The following DMRT1 variants were observed in gnomAD, a reference collection of about 807,000 sequenced individuals.
DMRT1 encodes doublesex- and mab-3-related transcription factor 1.
In DMRT1, 7 loss-of-function variants were observed where a neutral mutation model predicts 32.3. The ratio of observed to expected loss-of-function variants is 0.22; its 90% CI spans 0.12 to 0.41. DMRT1 has a LOEUF of 0.41. DMRT1 is among the 10% of genes least tolerant of loss of function. The probability of loss-of-function intolerance (pLI) is 1.00; values close to 1 mark genes in which losing one functional copy is unlikely to be tolerated. For synonymous variants in DMRT1, 278 were observed against 206.1 expected (o/e 1.35, Z -2.99); for missense variants, 625 against 500.5 (o/e 1.25, Z -2.37).
intron 3 of DMRT1, among the ~76,000 whole-genome samples, chr9:907,694 C>A (rs1258151468): frequency 6.6e-6 from 1 of 152,110 alleles, no homozygotes; most frequent in Non-Finnish European, 1.5e-5. Flanking sequence ...CACAAAATGA[C>A]AAGTTTTGTA....
At chr9:961,583 T>G (rs971967422) in intron 4 of DMRT1, among the ~76,000 whole-genome samples, 2 of 152,164 alleles carry the variant, frequency 1.3e-5, no homozygotes, top group African/African-American at 4.8e-5. Flanking sequence ...TCAAAAAGAT[T>G]GAAAAAGGCA....
intron 4 of DMRT1, among the ~76,000 whole-genome samples, chr9:930,697 C>G (rs181015281): frequency 6.6e-6 from 1 of 152,084 alleles, no homozygotes; most frequent in African/African-American, 2.4e-5. Context: ...CATGAGCCAC[C>G]GCACCCGGCC....
chr9:843,310 C>G (rs889156746), intron 1 of DMRT1, among the ~76,000 whole-genome samples: 1 of 152,254 alleles, frequency 6.6e-6, no homozygotes, highest in African/African-American at 2.4e-5. Flanking sequence ...TGCGCGGTTT[C>G]CCTGCGCGCC....
chr9:875,789 C>T (rs1055942359), intron 2 of DMRT1, among the ~76,000 whole-genome samples: 24 of 150,036 alleles, frequency 1.6e-4, no homozygotes, highest in Admixed American at 3.4e-4. Context: ...TGTATGTGTA[C>T]GTATGTGTGT....
intron 2 of DMRT1, among the ~76,000 whole-genome samples, chr9:853,187 A>G (rs921872455): frequency 6.6e-6 from 1 of 152,096 alleles, no homozygotes; most frequent in East Asian, 1.9e-4. Flanking sequence ...CCTCTCCCAC[A>G]TTACCAGCAT....
chr9:862,029 G>A (rs1815723221), intron 2 of DMRT1, among the ~76,000 whole-genome samples: 2 of 151,826 alleles, frequency 1.3e-5, no homozygotes, highest in African/African-American at 4.8e-5. Context: ...TGGGCGGCCG[G>A]GCGGAGGGGC....
At chr9:916,398 T>C (rs1395836426) in intron 3 of DMRT1, among the ~76,000 whole-genome samples, 2 of 151,492 alleles carry the variant, frequency 1.3e-5, no homozygotes, top group East Asian at 2.0e-4. Context: ...ACAGGGTCTT[T>C]CTCTGTTGCC....
chr9:849,007 G>C (rs1296464224), intron 2 of DMRT1, among the ~76,000 whole-genome samples: 1 of 150,674 alleles, frequency 6.6e-6, no homozygotes, highest in Admixed American at 6.7e-5. Flanking sequence ...TGAGAAATGG[G>C]ATGTGTCACA....
chr9:894,656 G>A (rs1817282675), intron 3 of DMRT1: 1 of 265,774 alleles, frequency 3.8e-6, no homozygotes, highest in Non-Finnish European at 7.3e-6. Flanking sequence ...TGATGAATTT[G>A]CACCTTGGGA....
chr9:920,985 T>A (rs773934365), intron 4 of DMRT1, among the ~76,000 whole-genome samples: 1 of 152,246 alleles, frequency 6.6e-6, no homozygotes, highest in Non-Finnish European at 1.5e-5. Context: ...GTATTTTTTG[T>A]CTTTCATTTT....
At chr9:876,785 C>A (rs966207499) in intron 2 of DMRT1, among the ~76,000 whole-genome samples, 2 of 152,156 alleles carry the variant, frequency 1.3e-5, no homozygotes, top group Non-Finnish European at 2.9e-5. Context: ...CCCGCCTTGG[C>A]CTCTTGAAGT....
At position 893,855 on chromosome 9, in the gene DMRT1, A is replaced by G; in HGVS notation, c.539-57A>G. On this transcript the variant is annotated intron_variant, in intron 2 of 4. Coordinates refer to ENST00000382276, the MANE Select transcript of DMRT1 (RefSeq NM_021951.3). ...CTTGGGTAGGAAGGTTTAGAAGTAAAGTTTCGTGGACTAACATTAATACCA... is the reference window on the plus strand; with the variant it reads ...CTTGGGTAGGAAGGTTTAGAAGTAAGGTTTCGTGGACTAACATTAATACCA... 1.9e-6 allele frequency: 3 copies of G among 1,545,534 alleles called. No individual in the cohort carries two copies. In the Admixed American group the frequency reaches 5.0e-5, roughly 26 times the overall value.
intron 3 of DMRT1, among the ~76,000 whole-genome samples, chr9:896,264 A>AT (rs111767163): frequency 1.9e-4 from 23 of 123,558 alleles, no homozygotes; most frequent in East Asian, 4.7e-4. Context: ...TTAAACTGAG[A>AT]TTTTTTTTTT....
chr9:884,183 T>C (rs548121571), intron 2 of DMRT1, among the ~76,000 whole-genome samples: 2 of 152,160 alleles, frequency 1.3e-5, no homozygotes, highest in South Asian at 4.2e-4. Flanking sequence ...TTGGGAATCA[T>C]GACACCAGCA....
chr9:961,143 A>G (rs1819758811), intron 4 of DMRT1, among the ~76,000 whole-genome samples: 1 of 152,178 alleles, frequency 6.6e-6, no homozygotes, highest in South Asian at 2.1e-4. Context: ...TCCGGAGCCC[A>G]CACCTGACCC....
At chr9:883,789 TAA>T (rs377354456) in intron 2 of DMRT1, among the ~76,000 whole-genome samples, 32 of 137,750 alleles carry the variant, frequency 2.3e-4, no homozygotes, top group Middle Eastern at 3.9e-3. Flanking sequence ...ACCTGTTTCT[TAA>T]AAAAAAAAAA....
intron 3 of DMRT1, among the ~76,000 whole-genome samples, chr9:911,595 C>T (rs939450421): frequency 6.4e-5 from 9 of 141,198 alleles, no homozygotes; most frequent in Admixed American, 2.3e-4. Flanking sequence ...TGGGTTCAAG[C>T]GATTCTCCTG....
chr9:911,782 G>T (rs569079083), intron 3 of DMRT1, among the ~76,000 whole-genome samples: 1 of 152,086 alleles, frequency 6.6e-6, no homozygotes, highest in East Asian at 1.9e-4. Flanking sequence ...GTGAGCCACC[G>T]CGCCCATCCA....
chr9:854,005 T>G (rs1815278679), intron 2 of DMRT1, among the ~76,000 whole-genome samples: 2 of 151,922 alleles, frequency 1.3e-5, no homozygotes, highest in Non-Finnish European at 2.9e-5. Flanking sequence ...TCTCTTTTTG[T>G]TGCCCACGCT....
Sources: allele counts gnomAD v4.1 joint callset (sites outside exome capture counted in the v4.1 genomes callset), GRCh38; gene constraint gnomAD v4.1.1; transcripts MANE v1.5; gene names NCBI Gene and HGNC (gene_info 2026-07-23, HGNC 2026-07-21).